The following FBLN2 variants were observed in gnomAD, a reference collection of about 807,000 sequenced individuals.
FBLN2 encodes the protein fibulin 2, also known as fibulin-2.
FBLN2 carries 81 observed loss-of-function variants against 123.7 expected under a neutral mutation model. The observed-to-expected ratio is 0.65, with a 90% CI of 0.55 to 0.79. FBLN2 has a LOEUF of 0.79. Ranked by LOEUF, FBLN2 falls within the 30% of genes least tolerant of loss-of-function variation. The pLI is 0.00. For synonymous variants in FBLN2, 699 were observed against 701.4 expected, an observed-to-expected ratio of 1.00 and a Z score of 0.05; for missense variants, 1,603 against 1,681.3, an observed-to-expected ratio of 0.95 and a Z score of 0.81.
At chr3:13,581,856 G>A (rs189485916) in intron 2 of FBLN2, among the ~76,000 whole-genome samples, 176 of 152,262 alleles carry the variant, frequency 1.2e-3, no homozygotes, top group South Asian at 8.5e-3. Context: ...GGCCTAGGGC[G>A]AGGAAGTGTT....
intron 15 of FBLN2, among the ~76,000 whole-genome samples, 181 bp downstream of exon 15, chr3:13,630,996 G>C (rs1483908905): frequency 6.6e-6 from 1 of 152,186 alleles, no homozygotes; most frequent in African/African-American, 2.4e-5. Flanking sequence ...TCTCCACTCT[G>C]ACCTCAGGTT....
At chr3:13,573,641 C>T (rs567404976) in intron 2 of FBLN2, among the ~76,000 whole-genome samples, 3 of 152,246 alleles carry the variant, frequency 2.0e-5, no homozygotes, top group Admixed American at 6.5e-5. Flanking sequence ...TGGTGGCTCA[C>T]GCCTGTAATC....
At chr3:13,576,729 C>CG (rs535803974) in intron 2 of FBLN2, among the ~76,000 whole-genome samples, 7 of 152,018 alleles carry the variant, frequency 4.6e-5, no homozygotes, top group Middle Eastern at 3.4e-3. Context: ...ATCCCCCCCC[C>CG]CCGGGTTCAC....
intron 2 of FBLN2, among the ~76,000 whole-genome samples, chr3:13,594,912 A>T (rs1704791796): frequency 6.6e-6 from 1 of 152,112 alleles, no homozygotes; most frequent in Non-Finnish European, 1.5e-5. Flanking sequence ...GAAGATGGGG[A>T]CTTGAACTTC....
chr3:13,615,617 G>A (rs948028243), intron 5 of FBLN2, among the ~76,000 whole-genome samples: 2 of 152,230 alleles, frequency 1.3e-5, no homozygotes, highest in Non-Finnish European at 2.9e-5. Context: ...TCAGTGCAAG[G>A]ATGAATGATA....
intron 14 of FBLN2, 25 bp downstream of exon 14, chr3:13,629,970 C>T (rs1225831065): frequency 6.2e-7 from 1 of 1,608,192 alleles, no homozygotes; most frequent in Admixed American, 1.7e-5. Flanking sequence ...ATCTCTGACC[C>T]TATGCCGCCT....
At position 13,627,827 on chromosome 3, in the gene FBLN2, T is replaced by C. The variant is rs114668542; in HGVS notation, c.2432-5T>C. 8,077 of 1,612,160 alleles carry C rather than the reference T, an allele frequency of 5.0e-3. 180 individuals carry two copies. The highest frequency in any genetic ancestry group is 0.044 in the African/African-American group (3,311 of 75,032). ...AGCCCTTGACACCCAGCCTCTCCGC[T>C]GCAGACGTGGATGAGTGTGCGATGG... is the stretch of plus-strand genomic sequence containing the variant. On this transcript the variant is annotated splice_region_variant and splice_polypyrimidine_tract_variant and intron_variant, in intron 10 of 17. Coordinates refer to ENST00000404922, the MANE Select transcript of FBLN2 (RefSeq NM_001004019.2).
intron 10 of FBLN2, among the ~76,000 whole-genome samples, chr3:13,627,351 G>A (rs1290672400): frequency 6.6e-6 from 1 of 152,168 alleles, no homozygotes; most frequent in Non-Finnish European, 1.5e-5. Flanking sequence ...TCCCTAAAGT[G>A]TGAACACATG....
chr3:13,564,417 G>A (rs1171510820), intron 1 of FBLN2, among the ~76,000 whole-genome samples: 1 of 152,148 alleles, frequency 6.6e-6, no homozygotes, highest in Admixed American at 6.6e-5. Context: ...AAATTTTAAA[G>A]CCATACTGGC....
At chr3:13,635,824 G>A (rs1459572947) in intron 16 of FBLN2, among the ~76,000 whole-genome samples, 2 of 152,200 alleles carry the variant, frequency 1.3e-5, no homozygotes, top group African/African-American at 2.4e-5. Context: ...AGGTTGAGGG[G>A]GGACGGTAGA....
At position 13,588,987 on chromosome 3, in the gene FBLN2, A is replaced by G. The variant is rs9844647; in HGVS notation, c.1306+17326A>G. On this transcript the variant is annotated intron_variant, in intron 2 of 17. Transcript: ENST00000404922. ...TTACATCAAACTTCAGTTTGAGCAG[A>G]AGTATAGTCTCTTAGGTAATAGCAG... Among the ~76,000 whole-genome samples the G allele has an allele frequency of 7.4e-3, 1,123 of 152,348 alleles. 11 individuals carry two copies. The highest frequency in any genetic ancestry group is 0.025 in the African/African-American group (1,044 of 41,570).
Position 13,638,072 on chromosome 3 carries a change from C to T in FBLN2, c.*153C>T. 2 of 743,586 alleles carry T rather than the reference C, an allele frequency of 2.7e-6. No individual in the cohort carries two copies. Among genetic ancestry groups the T allele is most frequent in the African/African-American group, 1.8e-5 (1 of 56,122 alleles). 46.1% of individuals were successfully genotyped at this position (743,586 alleles called of 1,614,324 possible). A position where few individuals can be genotyped will look rare whatever the true frequency, so the allele number is the denominator to read the frequency against. ...TGTGGCTTCTGGACCCCTCCTCTGC[C>T]CCGCAGGAGGAAGTTCCACGGCAGG... On this transcript the variant is annotated 3_prime_UTR_variant, in exon 18 of 18. Coordinates refer to ENST00000404922, the MANE Select transcript of FBLN2 (RefSeq NM_001004019.2).
chr3:13,590,158 T>C (rs1308710032), intron 2 of FBLN2, among the ~76,000 whole-genome samples: 2 of 152,182 alleles, frequency 1.3e-5, no homozygotes, highest in Non-Finnish European at 2.9e-5. Flanking sequence ...TATCACCATC[T>C]ATTACTCTTG....
At chr3:13,588,947 T>G (rs1241812799) in intron 2 of FBLN2, among the ~76,000 whole-genome samples, 1 of 152,224 alleles carries the variant, frequency 6.6e-6, no homozygotes. Flanking sequence ...CAAAACATCA[T>G]TCTAAGAATC....
rs549408473 is a variant in FBLN2 at position 13,571,263 on chromosome 3, G to A, written c.908G>A (p.Gly303Glu). ...TEQLAAGGHR[G>E]LDGLPTTAPA... is the part of the protein sequence containing the mutation. Reference sequence around the variant, plus strand: ...CAGCTGGCAGCAGGTGGCCACAGGGGGCTGGATGGGCTGCCCACTACAGCC... The same window carrying A: ...CAGCTGGCAGCAGGTGGCCACAGGGAGCTGGATGGGCTGCCCACTACAGCC... The change falls in exon 2 of 18, where the codon GGG (glycine) becomes GAG (glutamate). Residue 303 changes from glycine to glutamate, a missense_variant. Coordinates refer to ENST00000404922, the MANE Select transcript of FBLN2 (RefSeq NM_001004019.2). 1 of 1,568,350 alleles carries A rather than the reference G, an allele frequency of 6.4e-7. No individual in the cohort carries two copies. Among genetic ancestry groups the A allele is most frequent in the East Asian group, 2.4e-5 (1 of 42,316 alleles).
At chr3:13,580,036 C>T (rs540165658) in intron 2 of FBLN2, among the ~76,000 whole-genome samples, 14 of 152,268 alleles carry the variant, frequency 9.2e-5, no homozygotes, top group Admixed American at 5.9e-4. Flanking sequence ...AATGAATGAC[C>T]GTGCCATTGC....
Position 13,569,120 on chromosome 3 carries a change from G to C in FBLN2, c.-41-1195G>C, listed in dbSNP as rs375569487. On this transcript the variant is annotated intron_variant, in intron 1 of 17. Coordinates refer to ENST00000404922, the MANE Select transcript of FBLN2 (RefSeq NM_001004019.2). ...TCACAAGTGGGGCTACAGGCACTGG[G>C]GACTTGGGCCAGGGTGGAGGAGGGA... 1.2e-5 allele frequency: 11 copies of C among 936,946 alleles called. No individual in the cohort carries two copies. In the East Asian group the frequency reaches 8.2e-4, roughly 70 times the overall value. 58.0% of individuals were successfully genotyped at this position (936,946 alleles called of 1,614,324 possible). A position where few individuals can be genotyped will look rare whatever the true frequency, so the allele number is the denominator to read the frequency against.
chr3:13,557,449 G>A (rs370073124), intron 1 of FBLN2, among the ~76,000 whole-genome samples: 2 of 152,250 alleles, frequency 1.3e-5, no homozygotes, highest in East Asian at 3.8e-4. Flanking sequence ...AATACAGGGT[G>A]TAGCTTCAGG....
chr3:13,566,367 T>G (rs1315319165), intron 1 of FBLN2: 1 of 152,396 alleles, frequency 6.6e-6, no homozygotes, highest in East Asian at 1.9e-4. Context: ...TGGCGATAGA[T>G]AGGGAGCTCA....
Sources: gnomAD v4.1 joint callset for allele counts (sites outside exome capture counted in the v4.1 genomes callset) on GRCh38, gnomAD v4.1.1 for gene constraint, MANE v1.5 for transcripts, NCBI Gene and HGNC (gene_info 2026-07-23, HGNC 2026-07-21) for gene names.